Variants in ZFAT observed in about 807,000 individuals in gnomAD.
ZFAT encodes zinc finger and AT-hook domain containing, also known as zinc finger protein ZFAT.
ZFAT carries 64 observed loss-of-function variants against 117.7 expected under a neutral mutation model. The ratio of observed to expected loss-of-function variants is 0.54; its 90% CI spans 0.44 to 0.67. The LOEUF (loss-of-function observed/expected upper bound fraction) is 0.67, where lower values mean the gene tolerates loss of function less well. Among genes scored for constraint, ZFAT ranks in the 30% least tolerant of loss-of-function variants. The probability of loss-of-function intolerance (pLI) is 0.00; values close to 1 mark genes in which losing one functional copy is unlikely to be tolerated. For missense variants in ZFAT, 1,433 were observed against 1,584.5 expected (o/e 0.90, Z 1.62); for synonymous variants, 679 against 615.0 (o/e 1.10, Z -1.54).
the ZFAT span, among the ~76,000 whole-genome samples, chr8:134,731,263 T>G: frequency 5.9e-5 from 9 of 152,186 alleles, no homozygotes; most frequent in African/African-American, 1.9e-4. Flanking sequence ...CAGAAACACA[T>G]ATGTATTTTT....
the ZFAT span, among the ~76,000 whole-genome samples, chr8:134,769,769 C>T: frequency 6.6e-6 from 1 of 152,230 alleles, no homozygotes; most frequent in African/African-American, 2.4e-5. Context: ...CAAACTTCTG[C>T]CTAGGCATCC....
the ZFAT span, among the ~76,000 whole-genome samples, chr8:134,743,865 G>T: frequency 6.6e-6 from 1 of 152,196 alleles, no homozygotes; most frequent in African/African-American, 2.4e-5. Flanking sequence ...AGGGCTGCCA[G>T]AATTAAGACT....
chr8:134,620,427 G>C (rs531932263), intron 3 of ZFAT, among the ~76,000 whole-genome samples: 1 of 152,300 alleles, frequency 6.6e-6, no homozygotes, highest in South Asian at 2.1e-4. Flanking sequence ...GGTGCAACAG[G>C]CTGCTGCTCT....
the ZFAT span, chr8:134,800,681 G>A: frequency 2.5e-6 from 1 of 394,996 alleles, no homozygotes; most frequent in Non-Finnish European, 5.3e-6. Flanking sequence ...AAAAGAACAG[G>A]CACAGCATTC....
In ZFAT at chr8:134,602,021, CTGCGG is replaced by C; in HGVS notation, c.1693_1697del (p.Pro565GlyfsTer10). 6.2e-7 allele frequency: 1 copy of C among 1,612,540 alleles called. No individual in the cohort carries two copies. Among genetic ancestry groups the C allele is most frequent in the Non-Finnish European group, 8.5e-7 (1 of 1,179,722 alleles). On this transcript the variant is annotated frameshift_variant, in exon 6 of 16. Transcript: ENST00000377838. LOFTEE classifies it high-confidence loss of function. ...AGGGTGGCAGGGCTGTGCTTTCGGC[CTGCGG>C]GGAGGCCAGGTGCACAGCTGGGGCA... is the stretch of plus-strand genomic sequence containing the variant.
rs1015177684 is a variant in ZFAT, at chr8:134,541,712, GATCA to G, written c.2977-8744_2977-8741del. 2.0e-5 allele frequency among the ~76,000 whole-genome samples: 3 copies of G among 152,116 alleles called. No homozygotes were observed. In the South Asian group the frequency reaches 6.2e-4, roughly 32 times the overall value. The stretch of plus-strand genomic sequence containing the variant: ...TGAGTTTGAGGAATGACAATCGCAG[GATCA>G]ATCAACCATGATCCACTGAAAGATA... On this transcript the variant is annotated intron_variant, in intron 11 of 15. Coordinates refer to ENST00000377838, the MANE Select transcript of ZFAT (RefSeq NM_020863.4).
chr8:134,829,404 T>C, the ZFAT span, among the ~76,000 whole-genome samples: 1 of 152,208 alleles, frequency 6.6e-6, no homozygotes, highest in African/African-American at 2.4e-5. Context: ...ATGACAATTT[T>C]CCCACTCAGT....
the ZFAT span, among the ~76,000 whole-genome samples, chr8:134,805,112 A>C: frequency 3.1e-3 from 471 of 152,382 alleles, no homozygotes; most frequent in Non-Finnish European, 5.1e-3. Context: ...TGGTTCACCA[A>C]GTGCAATTTC....
At chr8:134,696,009 C>A (rs1388867446) in intron 1 of ZFAT, among the ~76,000 whole-genome samples, 1 of 151,860 alleles carries the variant, frequency 6.6e-6, no homozygotes, top group Non-Finnish European at 1.5e-5. Flanking sequence ...AGGTGCCACC[C>A]TCTAGACACC....
chr8:134,746,985 C>T, the ZFAT span, among the ~76,000 whole-genome samples: 1 of 152,154 alleles, frequency 6.6e-6, no homozygotes, highest in Non-Finnish European at 1.5e-5. Context: ...GATTCTTAGT[C>T]ACTACTACTG....
chr8:134,785,961 C>T, the ZFAT span: 1 of 152,142 alleles, frequency 6.6e-6, no homozygotes, highest in Non-Finnish European at 1.5e-5. Flanking sequence ...TCATTTTAGT[C>T]TACTTCTACA....
At chr8:134,664,772 T>G (rs1046975063) in intron 1 of ZFAT, among the ~76,000 whole-genome samples, 6 of 152,266 alleles carry the variant, frequency 3.9e-5, no homozygotes, top group African/African-American at 1.2e-4. Context: ...CCCTGAAATA[T>G]TCTCATAATT....
At chr8:134,523,700 C>T (rs928425523) in intron 12 of ZFAT, among the ~76,000 whole-genome samples, 3 of 152,226 alleles carry the variant, frequency 2.0e-5, no homozygotes, top group Admixed American at 2.0e-4. Flanking sequence ...CATTCTCTCC[C>T]TTCTCTGTCT....
the ZFAT span, among the ~76,000 whole-genome samples, chr8:134,781,906 T>G: frequency 6.6e-6 from 1 of 152,250 alleles, no homozygotes; most frequent in South Asian, 2.1e-4. Context: ...GAATAGAGTA[T>G]ATAATACATA....
the ZFAT span, among the ~76,000 whole-genome samples, chr8:134,761,983 T>C: frequency 2.2e-4 from 2 of 9,046 alleles, no homozygotes; most frequent in Non-Finnish European, 3.6e-4. Context: ...TCTCTCTGTA[T>C]GTGTGTGTGT....
intron 1 of ZFAT, among the ~76,000 whole-genome samples, chr8:134,696,178 G>T (rs1833832190): frequency 6.6e-6 from 1 of 151,858 alleles, no homozygotes; most frequent in African/African-American, 2.4e-5. Flanking sequence ...CCAGGCCCTG[G>T]CCCCATCTCT....
At chr8:134,512,403 T>C (rs1005182936) in intron 14 of ZFAT, 72 bp downstream of exon 14, 4 of 1,574,510 alleles carry the variant, frequency 2.5e-6, no homozygotes, top group Admixed American at 3.5e-5. Context: ...ATCATTCATC[T>C]GCAAACGCAT....
At chr8:134,813,110 C>T in the ZFAT span, among the ~76,000 whole-genome samples, 1 of 152,216 alleles carries the variant, frequency 6.6e-6, no homozygotes, top group South Asian at 2.1e-4. Flanking sequence ...TAAAATCACT[C>T]ACTTTGGATA....
the ZFAT span, chr8:134,795,264 A>T: frequency 4.6e-5 from 7 of 152,312 alleles, no homozygotes; most frequent in Admixed American, 2.0e-4. Flanking sequence ...TCAAAGCATG[A>T]TGAGATGGTT....
Sources: allele counts gnomAD v4.1 joint callset (sites outside exome capture counted in the v4.1 genomes callset), GRCh38; gene constraint gnomAD v4.1.1; transcripts MANE v1.5; gene names NCBI Gene and HGNC (gene_info 2026-07-23, HGNC 2026-07-21).